The following ALDH1L1 variants were observed in gnomAD, a reference collection of about 807,000 sequenced individuals.
The protein encoded by ALDH1L1 is cytosolic 10-formyltetrahydrofolate dehydrogenase.
In ALDH1L1, 68 loss-of-function variants were observed where a neutral mutation model predicts 101.1. The observed-to-expected ratio is 0.67, with a 90% CI of 0.55 to 0.82. ALDH1L1 has a LOEUF of 0.82. Among genes scored for constraint, ALDH1L1 ranks in the 40% least tolerant of loss-of-function variants. The probability of loss-of-function intolerance (pLI) is 0.00; values close to 1 mark genes in which losing one functional copy is unlikely to be tolerated. For synonymous variants in ALDH1L1, 486 were observed against 470.8 expected, an observed-to-expected ratio of 1.03 and a Z score of -0.42; for missense variants, 1,087 against 1,172.7, an observed-to-expected ratio of 0.93 and a Z score of 1.07.
At chr3:126,185,754 G>A (rs1011393828), upstream of ALDH1L1, among the ~76,000 whole-genome samples, 1 of 152,068 alleles carries the variant, frequency 6.6e-6, no homozygotes, top group Admixed American at 6.5e-5. Flanking sequence ...ATAGGCCAGG[G>A]CAATTTCAAC....
At chr3:126,116,870 G>T (rs1266922115) in intron 17 of ALDH1L1, among the ~76,000 whole-genome samples, 1 of 146,200 alleles carries the variant, frequency 6.8e-6, no homozygotes, top group Non-Finnish European at 1.5e-5. Context: ...TCATATTGTG[G>T]TTTAGTGACA....
At chr3:126,111,411 C>T (rs546511569) in intron 19 of ALDH1L1, among the ~76,000 whole-genome samples, 7 of 152,338 alleles carry the variant, frequency 4.6e-5, no homozygotes, top group East Asian at 1.9e-4. Context: ...CGAAGCCACC[C>T]GCTGCCCCGC....
At chr3:126,114,943 G>A (rs969545069) in intron 17 of ALDH1L1, 1 of 508,926 alleles carries the variant, frequency 2.0e-6, no homozygotes, top group East Asian at 5.2e-5. Context: ...CTTCTCTGGG[G>A]TGCCTCCCTG....
At chr3:126,112,946 AG>A (rs1946128858) in intron 18 of ALDH1L1, 66 bp from the exon 19 acceptor site, 1 of 1,472,304 alleles carries the variant, frequency 6.8e-7, no homozygotes, top group African/African-American at 1.4e-5. Flanking sequence ...CGGCTCTGCC[AG>A]GGCCCAGCCG....
chr3:126,112,888 G>T lies in ALDH1L1; in HGVS notation c.2083-8C>A, dbSNP rs909382918. 4.3e-6 allele frequency: 7 copies of T among 1,611,876 alleles called. No individual in the cohort carries two copies. Among genetic ancestry groups the T allele is most frequent in the African/African-American group, 1.3e-5 (1 of 74,928 alleles). On this transcript the variant is annotated splice_polypyrimidine_tract_variant and splice_region_variant and intron_variant, in intron 18 of 22. Coordinates refer to ENST00000393434, the MANE Select transcript of ALDH1L1 (RefSeq NM_012190.4). Reference sequence around the variant, plus strand: ...GAAAACAGAACTCATCCCCTTCAGAGAATGGACAAGAACACCAGGTCACTG... The same window carrying T: ...GAAAACAGAACTCATCCCCTTCAGATAATGGACAAGAACACCAGGTCACTG...
Position 126,158,562 on chromosome 3 carries a change from C to G in ALDH1L1, c.205G>C (p.Val69Leu), listed in dbSNP as rs1384177838. 1 of 1,614,132 alleles carries G rather than the reference C, an allele frequency of 6.2e-7. No homozygotes were observed. Among genetic ancestry groups the G allele is most frequent in the Non-Finnish European group, 8.5e-7 (1 of 1,180,046 alleles). The stretch of plus-strand genomic sequence containing the variant: ...CCCAAAGCCTGGTATTTTGCCACCA[C>G]ATCAGGCAAAGCCTGTCCTTTTGCA... Reference protein sequence around the residue: ...WRAKGQALPDVVAKYQALGAE... With the variant: ...WRAKGQALPDLVAKYQALGAE... Residue 69 changes from valine to leucine, a missense_variant, in exon 3 of 23, where the codon GTG (valine) becomes CTG (leucine). Around this residue, in one of 2 missense-constraint regions of ALDH1L1, gnomAD observed 645 missense variants for 637.0 expected, o/e 1.01. Coordinates refer to ENST00000393434, the MANE Select transcript of ALDH1L1 (RefSeq NM_012190.4).
intron 16 of ALDH1L1, among the ~76,000 whole-genome samples, chr3:126,123,699 G>A (rs1365923827): frequency 6.6e-6 from 1 of 150,880 alleles, no homozygotes; most frequent in Non-Finnish European, 1.5e-5. Context: ...AAGCAAGGGG[G>A]AAACTATAAA....
chr3:126,133,015 C>A (rs1428318853), intron 12 of ALDH1L1, among the ~76,000 whole-genome samples: 1 of 152,206 alleles, frequency 6.6e-6, no homozygotes, highest in Non-Finnish European at 1.5e-5. Context: ...GAAAACATCA[C>A]CTAGCGGCCG....
chr3:126,153,284 A>G, intron 7 of ALDH1L1, 160 bp downstream of exon 7: 2 of 1,116,202 alleles, frequency 1.8e-6, no homozygotes, highest in South Asian at 1.3e-5. Context: ...GCTCAGGACC[A>G]GCCGGGTGGT....
intron 14 of ALDH1L1, among the ~76,000 whole-genome samples, chr3:126,126,615 C>G (rs1227966241): frequency 6.6e-6 from 1 of 152,196 alleles, no homozygotes. Flanking sequence ...ATTGGGAGCA[C>G]AGCACGGGCT....
intron 9 of ALDH1L1, among the ~76,000 whole-genome samples, chr3:126,139,819 G>C (rs990172901): frequency 6.6e-6 from 1 of 152,120 alleles, no homozygotes; most frequent in African/African-American, 2.4e-5. Flanking sequence ...TTTTGAGCAG[G>C]CTGAAGGAAA....
chr3:126,157,674 A>G (rs2080943300), intron 3 of ALDH1L1, among the ~76,000 whole-genome samples, 166 bp from the exon 4 acceptor site: 1 of 152,114 alleles, frequency 6.6e-6, no homozygotes, highest in Non-Finnish European at 1.5e-5. Context: ...GCATGTATTG[A>G]TAACAACCAT....
At chr3:126,108,616 C>T (rs966982505) in intron 20 of ALDH1L1, among the ~76,000 whole-genome samples, 4 of 152,220 alleles carry the variant, frequency 2.6e-5, no homozygotes, top group African/African-American at 9.6e-5. Context: ...CACGAGAGCT[C>T]TGTTGAGGTG....
upstream of ALDH1L1, among the ~76,000 whole-genome samples, chr3:126,186,493 ACCTGACCCTGAC>A (rs67057679): frequency 0.35 from 53,202 of 151,676 alleles, 10,102 homozygotes; most frequent in Middle Eastern, 0.48. Context: ...CTGACCCTGA[ACCTGACCCTGAC>A]CCTGACCCTG....
intron 1 of ALDH1L1, among the ~76,000 whole-genome samples, chr3:126,167,069 G>A (rs1472661709): frequency 2.6e-5 from 4 of 152,006 alleles, no homozygotes; most frequent in African/African-American, 7.3e-5. Flanking sequence ...TAGTATCTAC[G>A]TAGGTTCAGT....
intron 10 of ALDH1L1, 99 bp from the exon 11 acceptor site, chr3:126,136,982 T>A (rs1337953727): frequency 1.3e-6 from 2 of 1,488,828 alleles, no homozygotes; most frequent in Admixed American, 4.0e-5. Context: ...CCCAGGGGCC[T>A]CCTGGGGCTT....
intron 6 of ALDH1L1, 25 bp downstream of exon 6, chr3:126,154,528 TG>T: frequency 6.2e-7 from 1 of 1,611,666 alleles, no homozygotes; most frequent in Non-Finnish European, 8.5e-7. Context: ...TGCACGTGGC[TG>T]GATTCCAGCC....
chr3:126,162,888 T>G (rs1365721883), intron 1 of ALDH1L1, among the ~76,000 whole-genome samples: 1 of 152,130 alleles, frequency 6.6e-6, no homozygotes, highest in East Asian at 1.9e-4. Flanking sequence ...AAGTCCAGAA[T>G]TTTTTTTCCA....
intron 8 of ALDH1L1, among the ~76,000 whole-genome samples, chr3:126,148,203 C>A (rs1246009329): frequency 6.6e-6 from 1 of 152,166 alleles, no homozygotes; most frequent in Non-Finnish European, 1.5e-5. Context: ...GCCCACCAAG[C>A]CATGAAAATG....
Sources: gnomAD v4.1 joint callset for allele counts (sites outside exome capture counted in the v4.1 genomes callset) on GRCh38, gnomAD v4.1.1 for gene constraint, gnomAD v4.1.1 regional missense constraint, MANE v1.5 for transcripts, NCBI Gene and HGNC (gene_info 2026-07-23, HGNC 2026-07-21) for gene names.